ATP8A2: variants seen among roughly 807,000 people sequenced by gnomAD.
ATP8A2 encodes the protein phospholipid-transporting ATPase IB.
A neutral mutation model predicts 165.6 loss-of-function variants in ATP8A2; 100 were observed. That is an observed-to-expected ratio of 0.60 (90% CI 0.51 to 0.71). The LOEUF is 0.71. ATP8A2 is among the 30% of genes least tolerant of loss of function. ATP8A2 has a pLI of 0.00. For missense variants in ATP8A2, 1,227 were observed against 1,479.5 expected (o/e 0.83, Z 2.80); for synonymous variants, 543 against 548.8 (o/e 0.99, Z 0.15).
rs142809701 is a variant in ATP8A2 at position 25,773,411 on chromosome 13, G to A, written c.2569-1438G>A. On this transcript the variant is annotated intron_variant, in intron 26 of 36. Coordinates refer to ENST00000381655, the MANE Select transcript of ATP8A2 (RefSeq NM_016529.6). ...CTCCAGCGCAAGGTTTACACTTTTTGGGACCTTTATGAAACGGCACACAGA... is the reference window on the plus strand; with the variant it reads ...CTCCAGCGCAAGGTTTACACTTTTTAGGACCTTTATGAAACGGCACACAGA... 4.1e-3 allele frequency among the ~76,000 whole-genome samples: 622 copies of A among 152,282 alleles called. 4 individuals carry two copies. Among genetic ancestry groups the A allele is most frequent in the African/African-American group, 0.014 (593 of 41,554 alleles).
intron 1 of ATP8A2, among the ~76,000 whole-genome samples, chr13:25,434,136 T>C (rs937370286): frequency 3.3e-5 from 5 of 152,116 alleles, no homozygotes; most frequent in Non-Finnish European, 5.9e-5. Flanking sequence ...CTCGCGCTTG[T>C]TGGGAGCAGA....
chr13:25,373,762 C>T (rs1160628056), intron 1 of ATP8A2, among the ~76,000 whole-genome samples: 2 of 152,148 alleles, frequency 1.3e-5, no homozygotes, highest in African/African-American at 2.4e-5. Context: ...TCTGAAATGC[C>T]TACCATAGAT....
chr13:26,004,415 C>A (rs1327456140), intron 35 of ATP8A2, among the ~76,000 whole-genome samples: 1 of 151,978 alleles, frequency 6.6e-6, no homozygotes, highest in African/African-American at 2.4e-5. Flanking sequence ...TTGGTGGAGT[C>A]TTTAGGATTT....
chr13:25,648,673 C>T (rs1477967442), intron 24 of ATP8A2, among the ~76,000 whole-genome samples: 3 of 151,984 alleles, frequency 2.0e-5, no homozygotes. Flanking sequence ...AAAACCAAAA[C>T]AAAACAAAAC....
chr13:25,952,189 C>A (rs1955385662), intron 33 of ATP8A2, among the ~76,000 whole-genome samples: 1 of 152,116 alleles, frequency 6.6e-6, no homozygotes, highest in South Asian at 2.1e-4. Flanking sequence ...AACTGAGATG[C>A]CTTCCTGTTT....
chr13:25,856,092 G>A (rs1952157956), intron 30 of ATP8A2, among the ~76,000 whole-genome samples: 1 of 152,066 alleles, frequency 6.6e-6, no homozygotes, highest in Non-Finnish European at 1.5e-5. Context: ...CCATTTTTCA[G>A]GTTGTCTTTT....
At chr13:25,442,509 G>A (rs1473148486) in intron 1 of ATP8A2, among the ~76,000 whole-genome samples, 1 of 152,112 alleles carries the variant, frequency 6.6e-6, no homozygotes, top group African/African-American at 2.4e-5. Flanking sequence ...AAACTCCTGG[G>A]CTCATGTGAT....
At chr13:25,670,999 G>T (rs1246573144) in intron 24 of ATP8A2, among the ~76,000 whole-genome samples, 1 of 152,210 alleles carries the variant, frequency 6.6e-6, no homozygotes, top group African/African-American at 2.4e-5. Context: ...CAGGTATAGT[G>T]GAGCAGTGTT....
At chr13:25,588,060 T>C (rs2039971826) in intron 23 of ATP8A2, among the ~76,000 whole-genome samples, 1 of 152,240 alleles carries the variant, frequency 6.6e-6, no homozygotes, top group Non-Finnish European at 1.5e-5. Flanking sequence ...AATATGTGTT[T>C]GTTTTAACAA....
intron 2 of ATP8A2, among the ~76,000 whole-genome samples, chr13:25,515,874 C>G (rs2037451484): frequency 6.6e-6 from 1 of 152,140 alleles, no homozygotes; most frequent in African/African-American, 2.4e-5. Context: ...GAGCTGTACA[C>G]TTTGGTTTTG....
intron 25 of ATP8A2, among the ~76,000 whole-genome samples, chr13:25,760,343 T>C (rs1186491999): frequency 6.6e-6 from 1 of 152,248 alleles, no homozygotes; most frequent in Non-Finnish European, 1.5e-5. Context: ...ATATGCCTCA[T>C]GTCTAAATCA....
intron 1 of ATP8A2, among the ~76,000 whole-genome samples, chr13:25,450,659 G>A (rs1362838065): frequency 1.3e-5 from 2 of 152,072 alleles, no homozygotes; most frequent in African/African-American, 4.8e-5. Flanking sequence ...AGCCTCCCGA[G>A]TAGCTGGGAC....
chr13:25,810,608 C>G (rs1369984593), intron 27 of ATP8A2, among the ~76,000 whole-genome samples: 1 of 151,758 alleles, frequency 6.6e-6, no homozygotes, highest in Non-Finnish European at 1.5e-5. Flanking sequence ...ATTAATTAAT[C>G]CTTTCCAACC....
At chr13:25,961,010 T>G (rs1396510674) in intron 33 of ATP8A2, among the ~76,000 whole-genome samples, 1 of 152,248 alleles carries the variant, frequency 6.6e-6, no homozygotes, top group Non-Finnish European at 1.5e-5. Context: ...CCCCATCGTT[T>G]ATATTCGTGA....
chr13:25,877,195 C>G (rs1202170904), intron 33 of ATP8A2, among the ~76,000 whole-genome samples: 1 of 152,158 alleles, frequency 6.6e-6, no homozygotes, highest in African/African-American at 2.4e-5. Context: ...CAGATTGCCA[C>G]CTACCAGATG....
At position 25,815,818 on chromosome 13, in the gene ATP8A2, G is replaced by A. The variant is rs575642498; in HGVS notation, c.2680-12300G>A. On this transcript the variant is annotated intron_variant, in intron 27 of 36. Transcript: ENST00000381655. ...ATGTATGGGTGAATGAATAAACAAA[G>A]TATGCTATATACATACAATGGCATA... 2.6e-4 allele frequency among the ~76,000 whole-genome samples: 39 copies of A among 152,240 alleles called. No individual in the cohort carries two copies. The South Asian group carries it at 7.9e-3, about 31-fold the overall frequency.
chr13:25,613,536 T>A (rs182442542), intron 24 of ATP8A2, among the ~76,000 whole-genome samples: 1 of 152,070 alleles, frequency 6.6e-6, no homozygotes, highest in African/African-American at 2.4e-5. Flanking sequence ...ATTGTGCCAC[T>A]GCACTCCAGC....
intron 35 of ATP8A2, among the ~76,000 whole-genome samples, chr13:25,994,150 C>CATAGAA (rs1483014531): frequency 6.6e-6 from 1 of 152,024 alleles, no homozygotes; most frequent in Non-Finnish European, 1.5e-5. Flanking sequence ...ATTGATAATA[C>CATAGAA]ATAGAAATAC....
At chr13:25,932,895 G>A (rs1954802620) in intron 33 of ATP8A2, among the ~76,000 whole-genome samples, 1 of 152,146 alleles carries the variant, frequency 6.6e-6, no homozygotes, top group African/African-American at 2.4e-5. Flanking sequence ...CACCCAGGCT[G>A]GGGTGCAGTG....
Sources: gnomAD v4.1 joint callset for allele counts (sites outside exome capture counted in the v4.1 genomes callset) on GRCh38, gnomAD v4.1.1 for gene constraint, MANE v1.5 for transcripts, NCBI Gene and HGNC (gene_info 2026-07-23, HGNC 2026-07-21) for gene names.